GMDS: variants seen among roughly 807,000 people sequenced by gnomAD.
GMDS encodes the protein GDP-mannose 4,6 dehydratase.
A neutral mutation model predicts 49.9 loss-of-function variants in GMDS; 20 were observed. That is an observed-to-expected ratio of 0.40 (90% CI 0.28 to 0.58). The LOEUF (loss-of-function observed/expected upper bound fraction) is 0.58, where lower values mean the gene tolerates loss of function less well. Ranked by LOEUF, GMDS falls within the 20% of genes least tolerant of loss-of-function variation. The pLI is 0.42. For missense variants in GMDS, 362 were observed against 481.4 expected (o/e 0.75, Z 2.32); for synonymous variants, 177 against 178.6 (o/e 0.99, Z 0.07).
intron 4 of GMDS, among the ~76,000 whole-genome samples, chr6:2,042,060 T>A (rs1561999504): frequency 6.6e-6 from 1 of 152,172 alleles, no homozygotes; most frequent in Non-Finnish European, 1.5e-5. Context: ...AGACTTTGGG[T>A]CTGAAGGAGA....
chr6:1,937,541 C>T lies in GMDS; in HGVS notation c.644-7311G>A, dbSNP rs2761229. ...AATATCCAACAGGGCCATGCTCCTT[C>T]GAGAATATCTACAGGAGAACCCTGA... is the stretch of plus-strand genomic sequence containing the variant. On this transcript the variant is annotated intron_variant, in intron 6 of 10. Transcript: ENST00000380815. Among the ~76,000 whole-genome samples the T allele has an allele frequency of 6.3e-3, 959 of 152,312 alleles. 8 individuals are homozygous for T. The highest frequency in any genetic ancestry group is 0.022 in the African/African-American group (894 of 41,566).
intron 1 of GMDS, among the ~76,000 whole-genome samples, chr6:2,190,972 C>A (rs535565482): frequency 2.6e-5 from 4 of 152,122 alleles, no homozygotes; most frequent in Admixed American, 1.3e-4. Context: ...TAGCCCCACA[C>A]CACCACTCTC....
chr6:2,036,323 C>G (rs1215095864), intron 4 of GMDS, among the ~76,000 whole-genome samples: 1 of 152,042 alleles, frequency 6.6e-6, no homozygotes, highest in African/African-American at 2.4e-5. Context: ...CTAAACACAT[C>G]AGTATAACAG....
intron 1 of GMDS, among the ~76,000 whole-genome samples, chr6:2,196,489 C>A (rs1443556411): frequency 6.6e-6 from 1 of 152,210 alleles, no homozygotes; most frequent in Non-Finnish European, 1.5e-5. Context: ...TAGCAGGTCT[C>A]TAGAACTGTT....
At chr6:1,772,586 A>G (rs938970950) in intron 7 of GMDS, among the ~76,000 whole-genome samples, 2 of 152,352 alleles carry the variant, frequency 1.3e-5, no homozygotes, top group East Asian at 3.9e-4. Context: ...TTTGGGGTGC[A>G]ACATCATCTG....
chr6:1,698,881 G>A (rs974129059), intron 9 of GMDS, among the ~76,000 whole-genome samples: 2 of 150,834 alleles, frequency 1.3e-5, no homozygotes, highest in African/African-American at 4.9e-5. Context: ...TTGTCACCTG[G>A]CCAAATGGAA....
At chr6:1,813,319 A>G (rs965461633) in intron 7 of GMDS, among the ~76,000 whole-genome samples, 2 of 152,018 alleles carry the variant, frequency 1.3e-5, no homozygotes, top group African/African-American at 2.4e-5. Context: ...TTGGGAAAGA[A>G]TAAGAATTAT....
chr6:2,178,859 A>C (rs1040123742), intron 1 of GMDS, among the ~76,000 whole-genome samples: 4 of 152,232 alleles, frequency 2.6e-5, no homozygotes, highest in Admixed American at 6.5e-5. Flanking sequence ...TTCTGATGCC[A>C]AAACATCCTT....
chr6:2,042,517 G>T (rs1769749136), intron 4 of GMDS, among the ~76,000 whole-genome samples: 5 of 152,208 alleles, frequency 3.3e-5, no homozygotes, highest in South Asian at 2.1e-4. Flanking sequence ...TACAGCGAAA[G>T]AATTACATGG....
chr6:1,720,393 G>C (rs1057417775), intron 9 of GMDS, among the ~76,000 whole-genome samples: 1 of 152,098 alleles, frequency 6.6e-6, no homozygotes, highest in Non-Finnish European at 1.5e-5. Context: ...GTCCAAGGAA[G>C]GAAAAGGGCA....
intron 9 of GMDS, among the ~76,000 whole-genome samples, chr6:1,675,770 G>A (rs1377315525): frequency 2.6e-5 from 4 of 151,602 alleles, no homozygotes; most frequent in South Asian, 2.1e-4. Flanking sequence ...GGAGAATGGC[G>A]TGAACTCGGG....
At chr6:2,218,904 A>C (rs145540486) in intron 1 of GMDS, among the ~76,000 whole-genome samples, 5 of 152,164 alleles carry the variant, frequency 3.3e-5, no homozygotes, top group Non-Finnish European at 7.3e-5. Flanking sequence ...TTTTTCACAG[A>C]TTCTAAGCAT....
At chr6:2,087,995 T>G (rs77170071) in intron 4 of GMDS, among the ~76,000 whole-genome samples, 1 of 152,172 alleles carries the variant, frequency 6.6e-6, no homozygotes, top group South Asian at 2.1e-4. Context: ...AGCTTTTGAC[T>G]TAACAATTAA....
In GMDS at chr6:1,624,047, C is replaced by CA; in HGVS notation, c.*121_*122insT. On this transcript the variant is annotated 3_prime_UTR_variant, in exon 11 of 11. Coordinates refer to ENST00000380815, the MANE Select transcript of GMDS (RefSeq NM_001500.4). ...CGCTCTTGCGGCCGGGACAGCGCAG[C>CA]GGCAGCAGGGGCCGCAGGGGACCCG... 4.8e-6 allele frequency: 4 copies of CA among 829,802 alleles called. No homozygotes were observed. In the Admixed American group the frequency reaches 8.8e-5, roughly 18 times the overall value. 51.4% of individuals were successfully genotyped at this position (829,802 alleles called of 1,614,324 possible).
chr6:1,683,773 T>A (rs115401872), intron 9 of GMDS, among the ~76,000 whole-genome samples: 1,524 of 152,342 alleles, frequency 0.01, 32 homozygotes, highest in African/African-American at 0.035. Flanking sequence ...ACTCGTGAGA[T>A]GAAGTAGTAG....
chr6:1,800,627 TTC>T (rs1354432141), intron 7 of GMDS, among the ~76,000 whole-genome samples: 2 of 147,208 alleles, frequency 1.4e-5, no homozygotes, highest in Non-Finnish European at 3.0e-5. Context: ...TTTTCTTTCT[TTC>T]TTTTTTTTTT....
chr6:2,153,585 A>T (rs1776953473), intron 1 of GMDS, among the ~76,000 whole-genome samples: 1 of 152,310 alleles, frequency 6.6e-6, no homozygotes, highest in South Asian at 2.1e-4. Flanking sequence ...AAACAGATTT[A>T]CAGGCAAAGA....
At chr6:2,181,174 C>CA (rs755377915) in intron 1 of GMDS, among the ~76,000 whole-genome samples, 6,796 of 50,692 alleles carry the variant, frequency 0.13, 1,132 homozygotes, top group African/African-American at 0.38. Context: ...GACTCCATCT[C>CA]AAAAAAAAAA....
chr6:1,974,406 A>G (rs1384133387), intron 4 of GMDS, among the ~76,000 whole-genome samples: 2 of 152,206 alleles, frequency 1.3e-5, no homozygotes, highest in African/African-American at 4.8e-5. Context: ...AAGCACAGAA[A>G]TGCAAAATAA....
Sources: gnomAD v4.1 joint callset for allele counts (sites outside exome capture counted in the v4.1 genomes callset) on GRCh38, gnomAD v4.1.1 for gene constraint, MANE v1.5 for transcripts, NCBI Gene and HGNC (gene_info 2026-07-23, HGNC 2026-07-21) for gene names.